STX6: variants seen among roughly 807,000 people sequenced by gnomAD.
The protein encoded by STX6 is syntaxin 6.
A neutral mutation model predicts 38.0 loss-of-function variants in STX6; 23 were observed. The ratio of observed to expected loss-of-function variants is 0.60; its 90% CI spans 0.43 to 0.86. STX6 has a LOEUF of 0.86. STX6 is among the 40% of genes least tolerant of loss of function. The pLI, the probability that STX6 is intolerant of heterozygous loss-of-function variation, is 0.00. For missense variants in STX6, 274 were observed against 312.9 expected, an observed-to-expected ratio of 0.88 and a Z score of 0.94; for synonymous variants, 123 against 107.5, an observed-to-expected ratio of 1.14 and a Z score of -0.89.
intron 3 of STX6, among the ~76,000 whole-genome samples, chr1:180,995,921 C>A (rs1019544547): frequency 6.6e-6 from 1 of 152,018 alleles, no homozygotes; most frequent in East Asian, 1.9e-4. Flanking sequence ...CTGGTAACAC[C>A]CTGCAATGCT....
chr1:180,979,302 G>A (rs1655337960), intron 7 of STX6, among the ~76,000 whole-genome samples: 1 of 152,018 alleles, frequency 6.6e-6, no homozygotes, highest in Non-Finnish European at 1.5e-5. Context: ...ACAACTATAA[G>A]ACTTACCATA....
intron 1 of STX6, among the ~76,000 whole-genome samples, chr1:181,008,857 A>T (rs932744054): frequency 6.8e-6 from 1 of 147,122 alleles, no homozygotes; most frequent in East Asian, 2.1e-4. Context: ...AGAATTTTTT[A>T]GATAAATTTG....
In STX6 at chr1:180,976,612, A is replaced by C; in HGVS notation, c.726T>G (p.Phe242Leu). ...GGATGAGCACAACCAACAGGACTGC[A>C]AAGAGGATGGCTATGGCACACCATT... ...RRQWCAIAIL[F>L]AVLLVVLILF... The change falls in exon 8 of 8, where the codon TTT becomes TTG. Residue 242 changes from phenylalanine to leucine, a missense_variant. Transcript: ENST00000258301. 1 of 1,613,788 alleles carries C rather than the reference A, an allele frequency of 6.2e-7. No individual in the cohort carries two copies. The highest frequency in any genetic ancestry group is 8.5e-7 in the Non-Finnish European group (1 of 1,180,026).
chr1:180,983,678 G>A lies in STX6; in HGVS notation c.691+999C>T, dbSNP rs145660472. On this transcript the variant is annotated intron_variant, in intron 7 of 7. Coordinates refer to ENST00000258301, the MANE Select transcript of STX6 (RefSeq NM_005819.6). ...AGAATGTTCAGGAGAAACAGTAACT[G>A]GCTTAACTGTTGTTTTACATAAGTT... Among the ~76,000 whole-genome samples, 403 of 152,292 alleles carry A rather than the reference G, an allele frequency of 2.6e-3. 1 individual carries two copies. Among genetic ancestry groups the A allele is most frequent in the Non-Finnish European group, 4.6e-3 (312 of 68,022 alleles).
At chr1:180,989,047 T>C (rs1005105688) in intron 5 of STX6, 7 of 152,252 alleles carry the variant, frequency 4.6e-5, no homozygotes, top group African/African-American at 1.7e-4. Flanking sequence ...ATAGTTTCAA[T>C]GGGTACATGC....
intron 1 of STX6, among the ~76,000 whole-genome samples, chr1:181,021,237 T>G (rs1656716568): frequency 6.6e-6 from 1 of 152,124 alleles, no homozygotes. Flanking sequence ...AACCTAAGCA[T>G]TAAGAACTTT....
chr1:180,986,361 T>C (rs953117245), intron 6 of STX6, among the ~76,000 whole-genome samples: 6 of 152,234 alleles, frequency 3.9e-5, no homozygotes, highest in African/African-American at 1.4e-4. Context: ...ATAAAAATTA[T>C]TAATAAGCTA....
chr1:181,004,229 G>A (rs1438866463), intron 2 of STX6, among the ~76,000 whole-genome samples: 1 of 152,178 alleles, frequency 6.6e-6, no homozygotes, highest in Middle Eastern at 3.2e-3. Flanking sequence ...TGTAATAAAT[G>A]CAAATTCGGT....
Sources: allele counts gnomAD v4.1 joint callset (sites outside exome capture counted in the v4.1 genomes callset), GRCh38; gene constraint gnomAD v4.1.1; transcripts MANE v1.5; gene names NCBI Gene and HGNC (gene_info 2026-07-23, HGNC 2026-07-21).